Variants in VSIG8 observed in about 807,000 individuals in gnomAD.
VSIG8 encodes the protein V-set and immunoglobulin domain containing 8.
Under a neutral mutation model 42.6 loss-of-function variants are expected in VSIG8, and 32 were observed. The ratio of observed to expected loss-of-function variants is 0.75; its 90% CI spans 0.57 to 1.01. VSIG8 has a LOEUF of 1.01. Among genes scored for constraint, VSIG8 ranks in the 50% least tolerant of loss-of-function variants. The pLI, the probability that VSIG8 is intolerant of heterozygous loss-of-function variation, is 0.00. For missense variants in VSIG8, 529 were observed against 558.0 expected, an observed-to-expected ratio of 0.95 and a Z score of 0.52; for synonymous variants, 290 against 243.8, an observed-to-expected ratio of 1.19 and a Z score of -1.77.
intron 1 of VSIG8, among the ~76,000 whole-genome samples, chr1:159,859,964 G>C (rs578196877): frequency 6.6e-6 from 1 of 152,064 alleles, no homozygotes; most frequent in South Asian, 2.1e-4. Context: ...ACCTAGAGAG[G>C]GATAAGACCG....
At chr1:159,858,487 T>C (rs1648917619) in intron 2 of VSIG8, among the ~76,000 whole-genome samples, 196 bp from the exon 3 acceptor site, 1 of 152,220 alleles carries the variant, frequency 6.6e-6, no homozygotes, top group Non-Finnish European at 1.5e-5. Context: ...TGGAAAGATA[T>C]ATGGTCAGAC....
At chr1:159,855,446 G>A in intron 6 of VSIG8, 2 of 1,413,798 alleles carry the variant, frequency 1.4e-6, no homozygotes, top group Non-Finnish European at 1.8e-6. Flanking sequence ...CTCCATCCCC[G>A]AGGCATTGCA....
chr1:159,860,361 T>C (rs1648980439), intron 1 of VSIG8, among the ~76,000 whole-genome samples: 1 of 152,200 alleles, frequency 6.6e-6, no homozygotes, highest in South Asian at 2.1e-4. Context: ...ACAGAACATA[T>C]TAATTCAAAA....
At chr1:159,856,672 C>G in intron 4 of VSIG8, 29 bp from the exon 5 acceptor site, 3 of 1,609,536 alleles carry the variant, frequency 1.9e-6, no homozygotes, top group Non-Finnish European at 2.5e-6. Flanking sequence ...GAGGCCTGGT[C>G]TCTGAGAGCT....
chr1:159,857,677 C>T, intron 4 of VSIG8, 68 bp downstream of exon 4: 1 of 1,383,330 alleles, frequency 7.2e-7, no homozygotes, highest in East Asian at 2.4e-5. Flanking sequence ...CCCAAGGAAA[C>T]CCCAACAGGT....
intron 5 of VSIG8, 143 bp downstream of exon 5, chr1:159,856,381 C>T: frequency 7.1e-7 from 1 of 1,414,968 alleles, no homozygotes; most frequent in South Asian, 1.3e-5. Flanking sequence ...GATCTTGGCC[C>T]ACTTGTAGGA....
At chr1:159,856,463 A>G (rs2101828110) in intron 5 of VSIG8, 61 bp downstream of exon 5, 1 of 1,598,826 alleles carries the variant, frequency 6.3e-7, no homozygotes, top group East Asian at 2.2e-5. Flanking sequence ...TCCAAACCAG[A>G]GCCCAGCCTC....
rs546645115 is a variant in VSIG8 at position 159,859,006 on chromosome 1, C to G, written c.50-94G>C. 1.8e-5 allele frequency: 25 copies of G among 1,373,438 alleles called. 2 individuals are homozygous for G. In the African/African-American group the frequency reaches 2.3e-4, roughly 13 times the overall value. The allele number at this position is 1,373,438 out of a possible 1,614,324, so 85.1% of individuals were successfully genotyped here. A position where few individuals can be genotyped will look rare whatever the true frequency, so the allele number is the denominator to read the frequency against. ...CCCTTCCCTTCATATTCTCTGTCCA[C>G]GGCACCCAGAGGTCAGCAGTGCTTT... On this transcript the variant is annotated intron_variant, in intron 1 of 6. Coordinates refer to ENST00000368100, the MANE Select transcript of VSIG8 (RefSeq NM_001013661.1).
In VSIG8 at chr1:159,855,394, T is replaced by C. The variant is rs905034965; in HGVS notation, c.972-368A>G. 6.3e-6 allele frequency: 9 copies of C among 1,429,324 alleles called. No individual in the cohort carries two copies. The African/African-American group carries it at 1.2e-4, about 18-fold the overall frequency. 88.5% of individuals were successfully genotyped at this position (1,429,324 alleles called of 1,614,324 possible). A position where few individuals can be genotyped will look rare whatever the true frequency, so the allele number is the denominator to read the frequency against. On this transcript the variant is annotated intron_variant, in intron 6 of 6. Coordinates refer to ENST00000368100, the MANE Select transcript of VSIG8 (RefSeq NM_001013661.1). ...ATCCTGACCTTGCTCGAGCAATCTC[T>C]CTCTTTCTCACCTCCTGCCCCTCAG... is the stretch of plus-strand genomic sequence containing the variant.
chr1:159,854,911 G>T lies in VSIG8; in HGVS notation c.1087C>A (p.Pro363Thr). 1 of 1,494,976 alleles carries T rather than the reference G, an allele frequency of 6.7e-7. No individual in the cohort carries two copies. The highest frequency in any genetic ancestry group is 8.8e-7 in the Non-Finnish European group (1 of 1,130,106). 92.6% of individuals were successfully genotyped at this position (1,494,976 alleles called of 1,614,324 possible). A position where few individuals can be genotyped will look rare whatever the true frequency, so the allele number is the denominator to read the frequency against. The change falls in exon 7 of 7, where the codon CCC becomes ACC. Residue 363 changes from proline to threonine, a missense_variant. By Grantham distance (38) the Pro-to-Thr change is conservative. Transcript: ENST00000368100. ...ACGTCCTCGGGGCCGCCGCAGGGGG[G>T]AGGCGCGTACTTGCGGCGCAGGGAG... The part of the protein sequence containing the change: ...SRSLRRKYAP[P>T]PCGGPEDVAL...
intron 6 of VSIG8, 171 bp from the exon 7 acceptor site, chr1:159,855,197 G>GGTC (rs748334556): frequency 3.9e-6 from 6 of 1,551,676 alleles, no homozygotes; most frequent in Non-Finnish European, 5.2e-6. Flanking sequence ...ACCCTTCCTG[G>GGTC]GTCGGCGACC....
At chr1:159,862,052 G>C (rs1358958661) in intron 1 of VSIG8, 1 of 179,638 alleles carries the variant, frequency 5.6e-6, no homozygotes, top group Non-Finnish European at 1.2e-5. Context: ...AGTAGCGTTG[G>C]GAATAGCACA....
At chr1:159,862,158 A>G in intron 1 of VSIG8, 1 of 335,752 alleles carries the variant, frequency 3.0e-6, no homozygotes, top group Non-Finnish European at 5.4e-6. Context: ...GCTCCTGCAG[A>G]GCAATCAATC....
At chr1:159,856,795 C>T in intron 4 of VSIG8, 152 bp from the exon 5 acceptor site, 2 of 954,248 alleles carry the variant, frequency 2.1e-6, no homozygotes, top group Non-Finnish European at 3.0e-6. Flanking sequence ...ACACACTCCA[C>T]TCTCCAGGTG....
intron 6 of VSIG8, 155 bp downstream of exon 6, chr1:159,855,728 G>A (rs997216938): frequency 7.3e-6 from 7 of 958,132 alleles, no homozygotes; most frequent in Non-Finnish European, 7.5e-6. Context: ...CCATGAGTTG[G>A]GTGGCAGGTC....
chr1:159,858,095 A>G lies in VSIG8; in HGVS notation c.425T>C (p.Val142Ala). Residue 142 changes from valine to alanine, a missense_variant, in exon 3 of 7, where the codon GTC (valine) becomes GCC (alanine). Val to Ala is a moderately conservative substitution (Grantham distance 64). Coordinates refer to ENST00000368100, the MANE Select transcript of VSIG8 (RefSeq NM_001013661.1). ...TMATRKVIVT[V>A]QARPAVPMCW... ...TTAGAGGAGTCTGGCCATACCTTGG[A>G]CAGTGACAATGACCTTCCGGGTGGC... 6.2e-7 allele frequency: 1 copy of G among 1,614,208 alleles called. No individual in the cohort carries two copies. Among genetic ancestry groups the G allele is most frequent in the Non-Finnish European group, 8.5e-7 (1 of 1,180,038 alleles).
At chr1:159,856,380 C>T (rs2101828038) in intron 5 of VSIG8, 144 bp downstream of exon 5, 1 of 1,409,062 alleles carries the variant, frequency 7.1e-7, no homozygotes, top group East Asian at 2.4e-5. Flanking sequence ...TGATCTTGGC[C>T]CACTTGTAGG....
chr1:159,858,924 G>A lies in VSIG8; in HGVS notation c.50-12C>T, dbSNP rs1648936622. 3 of 1,609,100 alleles carry A rather than the reference G, an allele frequency of 1.9e-6. No homozygotes were observed. The South Asian group carries it at 3.3e-5, about 18-fold the overall frequency. On this transcript the variant is annotated splice_polypyrimidine_tract_variant and intron_variant, in intron 1 of 6. Transcript: ENST00000368100. ...AGCAGACAGCAGTGCTAGGGGGAGGGCAGAGAAGATGGGGTGGTAGGAGCA... is the reference window on the plus strand; with the variant it reads ...AGCAGACAGCAGTGCTAGGGGGAGGACAGAGAAGATGGGGTGGTAGGAGCA...
intron 1 of VSIG8, chr1:159,862,228 C>G (rs974471570): frequency 2.3e-5 from 10 of 438,430 alleles, no homozygotes; most frequent in African/African-American, 2.0e-4. Context: ...GTGAGCCCGA[C>G]AGGGGACATA....
Sources: allele counts gnomAD v4.1 joint callset (sites outside exome capture counted in the v4.1 genomes callset), GRCh38; gene constraint gnomAD v4.1.1; transcripts MANE v1.5; gene names NCBI Gene and HGNC (gene_info 2026-07-23, HGNC 2026-07-21).